The following LRRC7 variants were observed in gnomAD, a reference collection of about 807,000 sequenced individuals.
The protein encoded by LRRC7 is leucine-rich repeat-containing protein 7.
LRRC7 carries 23 observed loss-of-function variants against 175.7 expected under a neutral mutation model. The ratio of observed to expected loss-of-function variants is 0.13; its 90% CI spans 0.09 to 0.19. The LOEUF (loss-of-function observed/expected upper bound fraction) is 0.19. LRRC7 is among the 10% of genes least tolerant of loss of function. The probability of loss-of-function intolerance (pLI) is 1.00; values close to 1 mark genes in which losing one functional copy is unlikely to be tolerated. For missense variants in LRRC7, 1,354 were observed against 1,904.7 expected, an observed-to-expected ratio of 0.71 and a Z score of 5.38; for synonymous variants, 685 against 680.9, an observed-to-expected ratio of 1.01 and a Z score of -0.09.
chr1:69,905,194 G>T (rs7526897), intron 7 of LRRC7, among the ~76,000 whole-genome samples: 54,784 of 151,670 alleles, frequency 0.36, 12,105 homozygotes, highest in East Asian at 0.55. Context: ...ATATTCCTTT[G>T]GGTATATATC....
At chr1:69,619,061 A>C (rs1239120005) in intron 1 of LRRC7, among the ~76,000 whole-genome samples, 1 of 152,036 alleles carries the variant, frequency 6.6e-6, no homozygotes, top group South Asian at 2.1e-4. Flanking sequence ...ATCATGTCTC[A>C]GTCCAGTGTA....
intron 1 of LRRC7, among the ~76,000 whole-genome samples, chr1:69,588,670 A>G (rs1229806693): frequency 6.6e-6 from 1 of 152,174 alleles, no homozygotes; most frequent in East Asian, 1.9e-4. Flanking sequence ...AATTATTAAT[A>G]TCTATCTCAC....
intron 23 of LRRC7, among the ~76,000 whole-genome samples, chr1:70,074,835 G>A (rs1662656953): frequency 6.6e-6 from 1 of 151,994 alleles, no homozygotes; most frequent in African/African-American, 2.4e-5. Context: ...TATCACTGTA[G>A]TGTTTTTTAT....
chr1:69,637,411 A>T (rs1313902174), intron 1 of LRRC7, among the ~76,000 whole-genome samples: 2 of 151,930 alleles, frequency 1.3e-5, no homozygotes, highest in African/African-American at 4.8e-5. Flanking sequence ...TGAGCATTGC[A>T]GAGTTGGAAA....
intron 7 of LRRC7, among the ~76,000 whole-genome samples, chr1:69,928,406 A>T (rs370960500): frequency 1.3e-5 from 2 of 152,224 alleles, no homozygotes; most frequent in Admixed American, 1.3e-4. Flanking sequence ...CACTGCCCCC[A>T]GCGGTGGAGC....
chr1:69,989,344 C>A (rs1654220596), intron 10 of LRRC7, among the ~76,000 whole-genome samples: 1 of 152,046 alleles, frequency 6.6e-6, no homozygotes. Flanking sequence ...CACTGCATCA[C>A]TATGTACCTG....
At chr1:70,069,634 A>C (rs1181310054) in intron 23 of LRRC7, among the ~76,000 whole-genome samples, 2 of 152,002 alleles carry the variant, frequency 1.3e-5, no homozygotes, top group African/African-American at 4.8e-5. Flanking sequence ...TGAATCTGTA[A>C]GTTTATTTCT....
intron 8 of LRRC7, among the ~76,000 whole-genome samples, chr1:69,934,578 T>C (rs889656055): frequency 3.2e-4 from 49 of 151,696 alleles, no homozygotes; most frequent in Non-Finnish European, 6.6e-4. Context: ...TGTTCATTTT[T>C]AAAAAAATAG....
intron 1 of LRRC7, among the ~76,000 whole-genome samples, chr1:69,614,546 C>T (rs1410072939): frequency 6.6e-6 from 1 of 151,986 alleles, no homozygotes; most frequent in African/African-American, 2.4e-5. Context: ...GCCTCTGAGG[C>T]ACGTTGATAT....
At chr1:69,839,510 G>T (rs762108748) in intron 7 of LRRC7, among the ~76,000 whole-genome samples, 28 of 152,096 alleles carry the variant, frequency 1.8e-4, no homozygotes, top group Non-Finnish European at 2.2e-4. Flanking sequence ...ATGGTTGAGG[G>T]TGTTAATCAT....
At chr1:69,742,863 T>G (rs1668859154) in intron 2 of LRRC7, among the ~76,000 whole-genome samples, 1 of 151,972 alleles carries the variant, frequency 6.6e-6, no homozygotes, top group African/African-American at 2.4e-5. Flanking sequence ...ATATTCCTTT[T>G]GTACTCAGAA....
At chr1:70,073,889 C>T (rs1000587807) in intron 23 of LRRC7, among the ~76,000 whole-genome samples, 3 of 152,196 alleles carry the variant, frequency 2.0e-5, no homozygotes, top group African/African-American at 7.2e-5. Flanking sequence ...CTGGGCATGC[C>T]AGTGAGTTCA....
At chr1:69,796,560 G>A (rs370561397) in intron 4 of LRRC7, among the ~76,000 whole-genome samples, 21 of 152,170 alleles carry the variant, frequency 1.4e-4, no homozygotes, top group East Asian at 1.2e-3. Context: ...CGAGGTGGGC[G>A]GATCACCTGA....
At chr1:69,781,578 A>C (rs941692914) in intron 3 of LRRC7, among the ~76,000 whole-genome samples, 16 of 150,774 alleles carry the variant, frequency 1.1e-4, no homozygotes, top group Admixed American at 8.7e-4. Context: ...GCTACTTGGC[A>C]GGCTGAGGCA....
intron 2 of LRRC7, among the ~76,000 whole-genome samples, chr1:69,703,526 G>C (rs1037450824): frequency 6.6e-6 from 1 of 151,904 alleles, no homozygotes; most frequent in African/African-American, 2.4e-5. Flanking sequence ...CACTTATACT[G>C]TACTAGCTGG....
At chr1:70,052,910 T>C (rs1660854040) in intron 22 of LRRC7, 116 bp from the exon 23 acceptor site, 10 of 1,065,436 alleles carry the variant, frequency 9.4e-6, no homozygotes, top group Non-Finnish European at 1.3e-5. Flanking sequence ...TCAGGATGTA[T>C]GTTTTTCTGC....
intron 2 of LRRC7, among the ~76,000 whole-genome samples, chr1:69,693,116 A>T (rs1163511256): frequency 1.3e-5 from 2 of 152,202 alleles, no homozygotes; most frequent in Non-Finnish European, 2.9e-5. Flanking sequence ...TCTCCAGCTT[A>T]TGAACAGCAG....
chr1:69,929,169 A>T (rs942724925), intron 7 of LRRC7, among the ~76,000 whole-genome samples: 2 of 152,180 alleles, frequency 1.3e-5, no homozygotes, highest in African/African-American at 4.8e-5. Context: ...TAAATGCACA[A>T]ACTGGCCCAG....
Position 69,577,493 on chromosome 1 carries a change from T to C in LRRC7, c.2+8852T>C, listed in dbSNP as rs192485429. Among the ~76,000 whole-genome samples the C allele has an allele frequency of 2.0e-5, 3 of 152,330 alleles. No homozygotes were observed. The East Asian group carries it at 5.8e-4, about 29-fold the overall frequency. ...GAATGGTATTGCCTAGGTTTTCTTC[T>C]AGGGTTTTTATGGTTGTAGGTCTAA... On this transcript the variant is annotated intron_variant, in intron 1 of 26. Coordinates refer to ENST00000651989, the MANE Select transcript of LRRC7 (RefSeq NM_001370785.2).
Sources: gnomAD v4.1 joint callset for allele counts (sites outside exome capture counted in the v4.1 genomes callset) on GRCh38, gnomAD v4.1.1 for gene constraint, MANE v1.5 for transcripts, NCBI Gene and HGNC (gene_info 2026-07-23, HGNC 2026-07-21) for gene names.